Variants in ARHGEF4 observed in about 807,000 individuals in gnomAD.
ARHGEF4 encodes Rho guanine nucleotide exchange factor 4.
A neutral mutation model predicts 162.0 loss-of-function variants in ARHGEF4; 119 were observed. That is an observed-to-expected ratio of 0.73 (90% CI 0.63 to 0.86). The LOEUF is 0.86. ARHGEF4 is among the 40% of genes least tolerant of loss of function. ARHGEF4 has a pLI of 0.00. For missense variants in ARHGEF4, 2,488 were observed against 2,456.0 expected, an observed-to-expected ratio of 1.01 and a Z score of -0.28; for synonymous variants, 1,014 against 979.9, an observed-to-expected ratio of 1.03 and a Z score of -0.65.
At chr2:130,977,118 ATG>A (rs1422569677) in intron 4 of ARHGEF4, among the ~76,000 whole-genome samples, 1 of 148,916 alleles carries the variant, frequency 6.7e-6, no homozygotes, top group Non-Finnish European at 1.5e-5. Context: ...GGTGTATGTG[ATG>A]TGTTTGTGTG....
intron 1 of ARHGEF4, among the ~76,000 whole-genome samples, chr2:130,848,714 C>G (rs1681177027): frequency 6.6e-6 from 1 of 152,152 alleles, no homozygotes; most frequent in African/African-American, 2.4e-5. Flanking sequence ...AGTGAGGGTT[C>G]CAGTCACATG....
At chr2:130,964,353 TC>T in intron 4 of ARHGEF4, 5 of 670,854 alleles carry the variant, frequency 7.5e-6, no homozygotes, top group Middle Eastern at 1.5e-3. Context: ...TCCCTCACTT[TC>T]TGCCTGTCGT....
intron 4 of ARHGEF4, among the ~76,000 whole-genome samples, chr2:130,950,100 C>T (rs1223200712): frequency 6.6e-6 from 1 of 152,234 alleles, no homozygotes. Context: ...ATCCTTCAAA[C>T]ACAGCTGAAG....
At chr2:131,023,867 A>C (rs917382250) in intron 4 of ARHGEF4, among the ~76,000 whole-genome samples, 1 of 152,112 alleles carries the variant, frequency 6.6e-6, no homozygotes, top group African/African-American at 2.4e-5. Flanking sequence ...ACATATCCTT[A>C]AACAGGTGAA....
rs568132236 is a variant in ARHGEF4, at chr2:130,872,735, G to A, written c.39+35743G>A. ...TTCGGGATTATGGGTTGCAAGGGAG[G>A]CGATACAAAGGAGCAGAGGAGAAGA... On this transcript the variant is annotated intron_variant, in intron 1 of 13. Coordinates refer to ENST00000409359, the MANE Select transcript of ARHGEF4 (RefSeq NM_001367493.1). 7.2e-5 allele frequency among the ~76,000 whole-genome samples: 11 copies of A among 152,280 alleles called. No homozygotes were observed. In the South Asian group the frequency reaches 1.9e-3, roughly 26 times the overall value.
In ARHGEF4 at chr2:131,040,082, G is replaced by A; in HGVS notation, c.4372G>A (p.Asp1458Asn). 3.1e-6 allele frequency: 5 copies of A among 1,605,576 alleles called. No individual in the cohort carries two copies. The highest frequency in any genetic ancestry group is 1.7e-4 in the Middle Eastern group (1 of 6,056). The change falls in exon 7 of 14, where the codon GAC (aspartate) becomes AAC (asparagine). Residue 1458 changes from aspartate (D) to asparagine (N), a missense_variant. Physicochemically the swap from Asp to Asn is conservative, Grantham distance 23. Coordinates refer to ENST00000409359, the MANE Select transcript of ARHGEF4 (RefSeq NM_001367493.1). ...APLAGNSGAE[D>N]GGAEAQSSKD... Reference sequence around the variant, plus strand: ...TCTGGCCGGGAACAGCGGAGCGGAGGACGGCGGGGCGGAGGCGCAGAGCAG... The same window carrying A: ...TCTGGCCGGGAACAGCGGAGCGGAGAACGGCGGGGCGGAGGCGCAGAGCAG...
intron 5 of ARHGEF4, chr2:131,035,079 G>T: frequency 9.7e-7 from 1 of 1,029,356 alleles, no homozygotes; most frequent in Non-Finnish European, 1.2e-6. Context: ...CACGGAGCGG[G>T]AGGCCGGGCG....
intron 1 of ARHGEF4, among the ~76,000 whole-genome samples, chr2:130,839,526 G>A (rs1475813967): frequency 1.3e-5 from 2 of 152,166 alleles, no homozygotes; most frequent in South Asian, 2.1e-4. Flanking sequence ...GCTTGGGCAC[G>A]TTGGGCACCG....
intron 4 of ARHGEF4, chr2:130,964,200 C>G: frequency 1.0e-6 from 1 of 985,294 alleles, no homozygotes; most frequent in Non-Finnish European, 1.2e-6. Flanking sequence ...GCATGCGCGG[C>G]GCCGTGTCCC....
Position 130,914,052 on chromosome 2 carries a change from C to T in ARHGEF4, c.106C>T (p.Pro36Ser), listed in dbSNP as rs577121660. 1.3e-6 allele frequency: 2 copies of T among 1,536,022 alleles called. No individual in the cohort carries two copies. The highest frequency in any genetic ancestry group is 1.4e-5 in the African/African-American group (1 of 73,056). Reference sequence around the variant, plus strand: ...TGAAGATAACCAGCTCCCCACATCCCCTGCAGAACAAGTGGAGCAGGGATG... The same window carrying T: ...TGAAGATAACCAGCTCCCCACATCCTCTGCAGAACAAGTGGAGCAGGGATG... ...EIEDNQLPTS[P>S]AEQVEQGWNQ... is the part of the protein sequence containing the mutation. The change falls in exon 2 of 14, where the codon CCT becomes TCT. Residue 36 changes from proline (P) to serine (S), a missense_variant. By Grantham distance (74) the Pro-to-Ser change is moderately conservative. This residue lies in a region of ARHGEF4 where 171 missense variants were observed against 169.4 expected (regional missense o/e 1.01). Transcript: ENST00000409359.
At chr2:131,030,460 G>C (rs1191629673) in intron 5 of ARHGEF4, among the ~76,000 whole-genome samples, 4 of 152,232 alleles carry the variant, frequency 2.6e-5, no homozygotes, top group Non-Finnish European at 5.9e-5. Context: ...TTGCTGAGCA[G>C]ACGGAGTGTT....
intron 1 of ARHGEF4, among the ~76,000 whole-genome samples, chr2:130,848,316 C>T (rs1167932616): frequency 2.0e-5 from 3 of 152,200 alleles, no homozygotes; most frequent in Non-Finnish European, 4.4e-5. Flanking sequence ...CGACTCGACC[C>T]CAAGGCCAGT....
intron 1 of ARHGEF4, among the ~76,000 whole-genome samples, chr2:130,903,772 T>C (rs553804374): frequency 6.6e-6 from 1 of 152,346 alleles, no homozygotes; most frequent in South Asian, 2.1e-4. Flanking sequence ...AGTGAGAACA[T>C]GGAATATTCA....
Position 130,914,776 on chromosome 2 carries a change from C to T in ARHGEF4, c.830C>T (p.Pro277Leu). The change falls in exon 2 of 14, where the codon CCT (proline) becomes CTT (leucine). Residue 277 changes from proline (P) to leucine (L), a missense_variant. By Grantham distance (98) the Pro-to-Leu change is moderately conservative. Around this residue, in one of 6 missense-constraint regions of ARHGEF4, gnomAD observed 1,642 missense variants for 1,481.5 expected, o/e 1.11. Coordinates refer to ENST00000409359, the MANE Select transcript of ARHGEF4 (RefSeq NM_001367493.1). ...ACAAAGAAGGAAAGTACTCTAGGCC[C>T]TGCAGGGGACACAGAATTGCTCTGG... Reference protein sequence around the residue: ...TRTKKESTLGPAGDTELLWSQ... With the variant: ...TRTKKESTLGLAGDTELLWSQ... 2.8e-6 allele frequency: 4 copies of T among 1,436,882 alleles called. No individual in the cohort carries two copies. Among genetic ancestry groups the T allele is most frequent in the Non-Finnish European group, 2.7e-6 (3 of 1,100,566 alleles). The allele number at this position is 1,436,882 out of a possible 1,614,324, so 89.0% of individuals were successfully genotyped here.
At chr2:130,958,513 G>A (rs566195759) in intron 4 of ARHGEF4, among the ~76,000 whole-genome samples, 19 of 151,848 alleles carry the variant, frequency 1.3e-4, no homozygotes, top group African/African-American at 3.6e-4. Context: ...CGATCCGAGC[G>A]ATTCTCCCAC....
At chr2:130,899,411 G>T (rs1159260014) in intron 1 of ARHGEF4, among the ~76,000 whole-genome samples, 1 of 152,222 alleles carries the variant, frequency 6.6e-6, no homozygotes, top group African/African-American at 2.4e-5. Flanking sequence ...CCTCGCTGAA[G>T]CCAGGGCAGT....
chr2:130,849,658 T>A (rs570838597), intron 1 of ARHGEF4, among the ~76,000 whole-genome samples: 1 of 151,632 alleles, frequency 6.6e-6, no homozygotes, highest in South Asian at 2.1e-4. Flanking sequence ...AACCTCCTCC[T>A]CCCAGGTTCA....
intron 1 of ARHGEF4, among the ~76,000 whole-genome samples, chr2:130,887,637 G>T (rs1458220525): frequency 6.6e-6 from 1 of 151,964 alleles, no homozygotes; most frequent in Non-Finnish European, 1.5e-5. Context: ...ATTCGTTAAG[G>T]AGTTCTTGGT....
chr2:130,852,745 G>A (rs1161907439), intron 1 of ARHGEF4, among the ~76,000 whole-genome samples: 1 of 152,222 alleles, frequency 6.6e-6, no homozygotes, highest in East Asian at 1.9e-4. Flanking sequence ...GCCTCCTGCG[G>A]GCGGTGGAGA....
Sources: gnomAD v4.1 joint callset for allele counts (sites outside exome capture counted in the v4.1 genomes callset) on GRCh38, gnomAD v4.1.1 for gene constraint, gnomAD v4.1.1 regional missense constraint, MANE v1.5 for transcripts, NCBI Gene and HGNC (gene_info 2026-07-23, HGNC 2026-07-21) for gene names.